Variants in DLC1 observed in about 807,000 individuals in gnomAD.
DLC1 encodes rho GTPase-activating protein 7.
Under a neutral mutation model 140.3 loss-of-function variants are expected in DLC1, and 54 were observed. The ratio of observed to expected loss-of-function variants is 0.38; its 90% confidence interval spans 0.31 to 0.48. DLC1 has a LOEUF of 0.48. DLC1 is among the 20% of genes least tolerant of loss of function. The pLI is 0.96. For synonymous variants in DLC1, 986 were observed against 728.1 expected, an observed-to-expected ratio of 1.35 and a Z score of -5.70; for missense variants, 2,536 against 1,907.0, an observed-to-expected ratio of 1.33 and a Z score of -6.14.
chr8:13,310,078 C>G (rs1220708203), intron 4 of DLC1, among the ~76,000 whole-genome samples: 1 of 152,064 alleles, frequency 6.6e-6, no homozygotes, highest in Non-Finnish European at 1.5e-5. Flanking sequence ...TAAGAAGGAC[C>G]TTATAGGCCA....
intron 1 of DLC1, among the ~76,000 whole-genome samples, chr8:13,557,311 G>T (rs1033049365): frequency 6.6e-6 from 1 of 152,154 alleles, no homozygotes; most frequent in Non-Finnish European, 1.5e-5. Flanking sequence ...CATGGAACAC[G>T]TGAGGGCCAG....
At chr8:13,158,747 C>CA (rs1824450964) in intron 5 of DLC1, among the ~76,000 whole-genome samples, 1 of 91,342 alleles carries the variant, frequency 1.1e-5, no homozygotes, top group Admixed American at 1.0e-4. Flanking sequence ...CCCCCCCCCC[C>CA]GCCCGCCACA....
chr8:13,261,574 A>G (rs1283612555), intron 5 of DLC1, among the ~76,000 whole-genome samples: 1 of 152,132 alleles, frequency 6.6e-6, no homozygotes, highest in Non-Finnish European at 1.5e-5. Context: ...TGGGGAGGCC[A>G]GTTGAGGAGT....
chr8:13,203,372 A>C (rs1215261704), intron 5 of DLC1, among the ~76,000 whole-genome samples: 1 of 152,248 alleles, frequency 6.6e-6, no homozygotes, highest in Non-Finnish European at 1.5e-5. Context: ...GTGGGAAATT[A>C]GTAACAGAAA....
chr8:13,189,242 T>A (rs1826601711), intron 5 of DLC1, among the ~76,000 whole-genome samples: 1 of 152,190 alleles, frequency 6.6e-6, no homozygotes, highest in Non-Finnish European at 1.5e-5. Flanking sequence ...TCATTTCGTT[T>A]GTTTGTTTAT....
At chr8:13,095,634 CCTTACAGAATG>C (rs1413510031) in intron 10 of DLC1, 2 of 190,882 alleles carry the variant, frequency 1.0e-5, no homozygotes, top group African/African-American at 4.6e-5. Flanking sequence ...TGATGGATTT[CCTTACAGAATG>C]GCGGTATAGG....
intron 4 of DLC1, among the ~76,000 whole-genome samples, chr8:13,344,350 G>A (rs1243864178): frequency 2.6e-5 from 4 of 152,030 alleles, no homozygotes; most frequent in East Asian, 1.9e-4. Flanking sequence ...AAAATTAGCC[G>A]GGCATGGTGG....
intron 5 of DLC1, among the ~76,000 whole-genome samples, chr8:13,195,387 C>A (rs1042644875): frequency 4.6e-5 from 7 of 152,156 alleles, no homozygotes; most frequent in Non-Finnish European, 8.8e-5. Flanking sequence ...ACAGCCGCAT[C>A]GACATTTTGA....
At chr8:13,515,031 G>A (rs985469271), upstream of DLC1, 4 of 181,430 alleles carry the variant, frequency 2.2e-5, no homozygotes, top group Non-Finnish European at 3.4e-5. Flanking sequence ...TTTTGTCAAA[G>A]CTCTTGAGGT....
At chr8:13,272,571 C>G (rs1377384543) in intron 5 of DLC1, among the ~76,000 whole-genome samples, 1 of 152,032 alleles carries the variant, frequency 6.6e-6, no homozygotes, top group East Asian at 1.9e-4. Context: ...TTAAAAATAG[C>G]TTTTAACTGG....
chr8:13,545,893 C>T (rs1195646837), intron 1 of DLC1, among the ~76,000 whole-genome samples: 2 of 152,006 alleles, frequency 1.3e-5, no homozygotes, highest in Non-Finnish European at 1.5e-5. Flanking sequence ...CGGTAAGAAG[C>T]CTATCACGTT....
At chr8:13,149,024 C>G (rs561856217) in intron 5 of DLC1, among the ~76,000 whole-genome samples, 1 of 152,138 alleles carries the variant, frequency 6.6e-6, no homozygotes, top group Non-Finnish European at 1.5e-5. Context: ...GATCTCCTGA[C>G]CTCGTGATCT....
chr8:13,562,729 A>G lies in DLC1; in HGVS notation c.-126+41808T>C, dbSNP rs200854981. On this transcript the variant is annotated intron_variant, in intron 1 of 1. Coordinates refer to the DLC1 transcript ENST00000631382. ...CTCATTCCTAAAATTCATCTTGAAA[A>G]TATATCTCCACAGATACAAAGCAAA... 2.6e-5 allele frequency among the ~76,000 whole-genome samples: 4 copies of G among 152,302 alleles called. No homozygotes were observed. In the East Asian group the frequency reaches 5.8e-4, roughly 22 times the overall value.
chr8:13,190,403 T>C (rs1051861661), intron 5 of DLC1, among the ~76,000 whole-genome samples: 3 of 152,144 alleles, frequency 2.0e-5, no homozygotes, highest in Non-Finnish European at 4.4e-5. Flanking sequence ...GGTTTTCCTC[T>C]CTTCTCTGGT....
chr8:13,569,597 C>A (rs1270767530), intron 1 of DLC1, among the ~76,000 whole-genome samples: 1 of 152,178 alleles, frequency 6.6e-6, no homozygotes, highest in African/African-American at 2.4e-5. Flanking sequence ...AGCTAGAAAT[C>A]TGAGTCATCT....
intron 4 of DLC1, among the ~76,000 whole-genome samples, chr8:13,315,432 G>A (rs1206218737): frequency 1.3e-5 from 2 of 152,120 alleles, no homozygotes; most frequent in African/African-American, 2.4e-5. Flanking sequence ...CAAATGCTTG[G>A]GCAGAAGAGA....
intron 4 of DLC1, among the ~76,000 whole-genome samples, chr8:13,307,344 G>A (rs1374617589): frequency 6.6e-6 from 1 of 152,102 alleles, no homozygotes; most frequent in Non-Finnish European, 1.5e-5. Context: ...TCTTTCATTT[G>A]TTAAGAAGTC....
At chr8:13,303,005 G>C (rs1057330330) in intron 5 of DLC1, among the ~76,000 whole-genome samples, 2 of 151,922 alleles carry the variant, frequency 1.3e-5, no homozygotes, top group African/African-American at 4.8e-5. Flanking sequence ...ATTCTCTTTT[G>C]AATTGTCATA....
intron 5 of DLC1, among the ~76,000 whole-genome samples, chr8:13,187,067 C>T (rs141362020): frequency 0.011 from 1,689 of 152,260 alleles, 13 homozygotes; most frequent in South Asian, 0.035. Context: ...GGGCAGCCAC[C>T]TATGTGAGGT....
Sources: allele counts gnomAD v4.1 joint callset (sites outside exome capture counted in the v4.1 genomes callset), GRCh38; gene constraint gnomAD v4.1.1; transcripts MANE v1.5; gene names NCBI Gene and HGNC (gene_info 2026-07-23, HGNC 2026-07-21).